HECW2: variants seen among roughly 807,000 people sequenced by gnomAD.
HECW2 encodes HECT, C2 and WW domain containing E3 ubiquitin protein ligase 2.
Under a neutral mutation model 175.2 loss-of-function variants are expected in HECW2, and 61 were observed. The observed-to-expected ratio is 0.35, with a 90% CI of 0.28 to 0.43. The LOEUF is 0.43. HECW2 is among the 20% of genes least tolerant of loss of function. The pLI is 1.00. For synonymous variants in HECW2, 671 were observed against 731.0 expected, an observed-to-expected ratio of 0.92 and a Z score of 1.32; for missense variants, 1,524 against 2,000.5, an observed-to-expected ratio of 0.76 and a Z score of 4.54.
intron 2 of HECW2, among the ~76,000 whole-genome samples, chr2:196,363,335 G>A (rs1693653030): frequency 6.6e-6 from 1 of 152,054 alleles, no homozygotes; most frequent in African/African-American, 2.4e-5. Flanking sequence ...TTAGGCCCAT[G>A]TTACAGATGA....
At chr2:196,526,567 T>C (rs1049209930) in intron 1 of HECW2, among the ~76,000 whole-genome samples, 1 of 150,788 alleles carries the variant, frequency 6.6e-6, no homozygotes, top group African/African-American at 2.5e-5. Context: ...CGTTTTAGAG[T>C]TTCCAGTTTT....
At chr2:196,517,091 G>T (rs2125425971) in intron 1 of HECW2, among the ~76,000 whole-genome samples, 1 of 152,334 alleles carries the variant, frequency 6.6e-6, no homozygotes, top group South Asian at 2.1e-4. Context: ...GGCGGGACAA[G>T]CCAGTGTCCT....
chr2:196,297,122 G>C (rs376078978), intron 13 of HECW2, among the ~76,000 whole-genome samples: 1 of 152,168 alleles, frequency 6.6e-6, no homozygotes, highest in African/African-American at 2.4e-5. Context: ...ACGTGGACTC[G>C]AGTAGTTAAG....
chr2:196,313,164 C>CA (rs1352029008), intron 10 of HECW2, among the ~76,000 whole-genome samples: 1 of 152,086 alleles, frequency 6.6e-6, no homozygotes, highest in African/African-American at 2.4e-5. Flanking sequence ...GTCTCCAATG[C>CA]AGCAATGGGT....
intron 2 of HECW2, among the ~76,000 whole-genome samples, chr2:196,354,221 A>G (rs1693278082): frequency 2.0e-5 from 3 of 152,190 alleles, no homozygotes; most frequent in Admixed American, 6.5e-5. Context: ...GGACTAAAAG[A>G]GCTAATTACC....
In HECW2 at chr2:196,433,113, T is replaced by C. The variant is rs1281742056; in HGVS notation, c.292+19A>G. 5 of 1,583,922 alleles carry C rather than the reference T, an allele frequency of 3.2e-6. No homozygotes were observed. The highest frequency in any genetic ancestry group is 3.4e-6 in the Non-Finnish European group (4 of 1,161,324). ...TTGTATGCTCTGAGTCACATGCAAGTCCATTCCACTTGACTCACCTATATG... is the reference window on the plus strand; with the variant it reads ...TTGTATGCTCTGAGTCACATGCAAGCCCATTCCACTTGACTCACCTATATG... On this transcript the variant is annotated intron_variant, in intron 2 of 28. Coordinates refer to ENST00000644978, the MANE Select transcript of HECW2 (RefSeq NM_001348768.2).
At chr2:196,335,417 A>AGCATCC (rs1282176107) in intron 3 of HECW2, among the ~76,000 whole-genome samples, 1 of 152,210 alleles carries the variant, frequency 6.6e-6, no homozygotes, top group Non-Finnish European at 1.5e-5. Flanking sequence ...GTCGTTCTAA[A>AGCATCC]TATGCAAGGA....
Position 196,408,109 on chromosome 2 carries a change from C to G in HECW2, c.292+25023G>C, listed in dbSNP as rs548721050. ...GGTTAGAAGAGCAGTAGGCAGTCCTCTAAATCAGTACTCCAATTCACTTCC... is the reference window on the plus strand; with the variant it reads ...GGTTAGAAGAGCAGTAGGCAGTCCTGTAAATCAGTACTCCAATTCACTTCC... On this transcript the variant is annotated intron_variant, in intron 2 of 28. Transcript: ENST00000644978. Among the ~76,000 whole-genome samples the G allele has an allele frequency of 2.0e-5, 3 of 152,340 alleles. No homozygotes were observed. In the South Asian group the frequency reaches 6.2e-4, roughly 32 times the overall value.
At chr2:196,593,309 G>A (rs1559193788) in intron 1 of HECW2, among the ~76,000 whole-genome samples, 199 bp downstream of exon 1, 1 of 150,948 alleles carries the variant, frequency 6.6e-6, no homozygotes, top group East Asian at 2.0e-4. Flanking sequence ...CCTCCGGGAG[G>A]TTTGTGGCCG....
chr2:196,482,358 C>T (rs891057169), intron 1 of HECW2, among the ~76,000 whole-genome samples: 44 of 152,228 alleles, frequency 2.9e-4, no homozygotes, highest in African/African-American at 1.0e-3. Context: ...GAGCATGCTG[C>T]CCTGCTCATG....
intron 28 of HECW2, among the ~76,000 whole-genome samples, chr2:196,214,567 TTAAA>T (rs1170347128): frequency 6.6e-6 from 1 of 152,188 alleles, no homozygotes; most frequent in Non-Finnish European, 1.5e-5. Flanking sequence ...AGCTAGTTCT[TTAAA>T]TAATGAAATC....
chr2:196,369,439 A>C (rs1474255549), intron 2 of HECW2, among the ~76,000 whole-genome samples: 3 of 145,902 alleles, frequency 2.1e-5, no homozygotes, highest in Non-Finnish European at 4.5e-5. Context: ...TGTTGTCACC[A>C]CCACTGGGAC....
chr2:196,233,830 C>T (rs1688143181), intron 21 of HECW2, among the ~76,000 whole-genome samples: 1 of 152,116 alleles, frequency 6.6e-6, no homozygotes, highest in South Asian at 2.1e-4. Context: ...AAGCTCAGGG[C>T]CTCAAACAGC....
intron 21 of HECW2, among the ~76,000 whole-genome samples, chr2:196,231,994 T>TA (rs529994214): frequency 8.7e-5 from 13 of 149,302 alleles, no homozygotes; most frequent in East Asian, 3.9e-4. Context: ...TTGTATCAAA[T>TA]AAAAAAAAAA....
At chr2:196,436,039 G>T (rs1695859614) in intron 1 of HECW2, among the ~76,000 whole-genome samples, 1 of 152,198 alleles carries the variant, frequency 6.6e-6, no homozygotes. Context: ...AAAGAGCCTT[G>T]TAGGCAGTGA....
At chr2:196,439,073 T>G (rs372590547) in intron 1 of HECW2, among the ~76,000 whole-genome samples, 1 of 152,210 alleles carries the variant, frequency 6.6e-6, no homozygotes, top group South Asian at 2.1e-4. Flanking sequence ...CTGTATATAT[T>G]TAAACTTCAC....
chr2:196,255,050 G>A (rs187223077), intron 18 of HECW2, among the ~76,000 whole-genome samples: 22 of 147,226 alleles, frequency 1.5e-4, no homozygotes, highest in African/African-American at 5.5e-4. Flanking sequence ...TTGGCTCACT[G>A]CAACCTCTGC....
At chr2:196,244,131 A>T (rs1363484639) in intron 19 of HECW2, among the ~76,000 whole-genome samples, 1 of 152,246 alleles carries the variant, frequency 6.6e-6, no homozygotes, top group Non-Finnish European at 1.5e-5. Flanking sequence ...AATAGTTGTT[A>T]TTCATTGGGA....
At chr2:196,584,956 C>T (rs903966955) in intron 1 of HECW2, among the ~76,000 whole-genome samples, 21 of 152,086 alleles carry the variant, frequency 1.4e-4, no homozygotes, top group Non-Finnish European at 1.3e-4. Context: ...ATAACAGTAG[C>T]CCATATACCA....
Sources: allele counts gnomAD v4.1 joint callset (sites outside exome capture counted in the v4.1 genomes callset), GRCh38; gene constraint gnomAD v4.1.1; transcripts MANE v1.5; gene names NCBI Gene and HGNC (gene_info 2026-07-23, HGNC 2026-07-21).